The following KCNN2 variants were observed in gnomAD, a reference collection of about 807,000 sequenced individuals.
KCNN2 encodes small conductance calcium-activated potassium channel protein 2.
In KCNN2, 24 loss-of-function variants were observed where a neutral mutation model predicts 55.5. That is an observed-to-expected ratio of 0.43 (90% CI 0.31 to 0.61). KCNN2 has a LOEUF of 0.61. Among genes scored for constraint, KCNN2 ranks in the 20% least tolerant of loss-of-function variants. The probability of loss-of-function intolerance (pLI) is 0.08; values close to 1 mark genes in which losing one functional copy is unlikely to be tolerated. For missense variants in KCNN2, 754 were observed against 853.6 expected (o/e 0.88, Z 1.45); for synonymous variants, 431 against 336.1 (o/e 1.28, Z -3.09).
intron 1 of KCNN2, among the ~76,000 whole-genome samples, chr5:114,199,343 A>G (rs1414249672): frequency 6.6e-6 from 1 of 152,070 alleles, no homozygotes; most frequent in Non-Finnish European, 1.5e-5. Context: ...TTGAAGCAGC[A>G]TATAATTGAT....
intron 1 of KCNN2, among the ~76,000 whole-genome samples, chr5:114,099,351 C>T (rs1330939896): frequency 6.6e-6 from 1 of 152,202 alleles, no homozygotes; most frequent in Non-Finnish European, 1.5e-5. Flanking sequence ...CCCACTTCCT[C>T]TTTCCACCTC....
At chr5:114,472,058 G>A (rs1037422838) in intron 4 of KCNN2, among the ~76,000 whole-genome samples, 2 of 152,276 alleles carry the variant, frequency 1.3e-5, no homozygotes, top group South Asian at 4.2e-4. Context: ...TGGTTCTGTG[G>A]TCCTCTCAGG....
intron 2 of KCNN2, among the ~76,000 whole-genome samples, chr5:114,342,360 T>C (rs2150036966): frequency 6.6e-6 from 1 of 152,286 alleles, no homozygotes; most frequent in East Asian, 1.9e-4. Flanking sequence ...GCTTACATTT[T>C]ATAGGCATCA....
chr5:114,369,392 C>G (rs951391361), intron 2 of KCNN2, among the ~76,000 whole-genome samples: 1 of 152,066 alleles, frequency 6.6e-6, no homozygotes. Flanking sequence ...TTTATTATCT[C>G]AGTTAAAAAA....
intron 1 of KCNN2, among the ~76,000 whole-genome samples, chr5:114,124,640 C>T (rs1243017926): frequency 3.3e-5 from 5 of 152,288 alleles, no homozygotes; most frequent in South Asian, 2.1e-4. Flanking sequence ...CCAGTCCAGG[C>T]GGCATTTTCC....
chr5:114,092,267 C>T (rs748410886), intron 1 of KCNN2, among the ~76,000 whole-genome samples: 28 of 152,194 alleles, frequency 1.8e-4, no homozygotes, highest in Admixed American at 7.2e-4. Flanking sequence ...GTCATTAAAT[C>T]TTAAAGTTCC....
intron 2 of KCNN2, among the ~76,000 whole-genome samples, chr5:114,378,020 A>G (rs1215776296): frequency 6.6e-6 from 1 of 152,180 alleles, no homozygotes. Flanking sequence ...GGGGAAAGGC[A>G]ATAATGCACC....
intron 1 of KCNN2, among the ~76,000 whole-genome samples, chr5:114,179,712 A>G (rs1278271970): frequency 1.3e-5 from 2 of 152,134 alleles, no homozygotes; most frequent in African/African-American, 4.8e-5. Flanking sequence ...TCCCACAGCA[A>G]CACTAGCCAC....
intron 4 of KCNN2, among the ~76,000 whole-genome samples, chr5:114,466,892 C>A (rs887514874): frequency 6.6e-6 from 1 of 152,020 alleles, no homozygotes; most frequent in African/African-American, 2.4e-5. Flanking sequence ...ACTAGTAGTT[C>A]TATGTAAACA....
At chr5:114,474,627 T>G (rs1262009303) in intron 5 of KCNN2, among the ~76,000 whole-genome samples, 1 of 152,204 alleles carries the variant, frequency 6.6e-6, no homozygotes, top group African/African-American at 2.4e-5. Flanking sequence ...ATCTAATCCA[T>G]AAATTGGAGC....
intron 3 of KCNN2, among the ~76,000 whole-genome samples, chr5:114,435,500 AT>A (rs1413722477): frequency 1.3e-5 from 2 of 152,136 alleles, no homozygotes; most frequent in Non-Finnish European, 2.9e-5. Flanking sequence ...ACTTCATAGT[AT>A]TCTATCAGGT....
chr5:114,437,080 T>C (rs763542941), intron 3 of KCNN2, among the ~76,000 whole-genome samples: 1 of 152,016 alleles, frequency 6.6e-6, no homozygotes, highest in African/African-American at 2.4e-5. Flanking sequence ...CGTGCATGCA[T>C]GCATGTGTTG....
At chr5:114,326,193 A>G (rs1383307029) in intron 2 of KCNN2, among the ~76,000 whole-genome samples, 1 of 152,142 alleles carries the variant, frequency 6.6e-6, no homozygotes, top group Non-Finnish European at 1.5e-5. Flanking sequence ...GAAGAGGGTG[A>G]GAATATTTTA....
chr5:114,284,886 A>G (rs1347602562), intron 2 of KCNN2, among the ~76,000 whole-genome samples: 1 of 152,082 alleles, frequency 6.6e-6, no homozygotes. Flanking sequence ...TGTGTACCAG[A>G]TGAAAACAGA....
intron 2 of KCNN2, among the ~76,000 whole-genome samples, chr5:114,287,896 G>A (rs1462269725): frequency 6.6e-6 from 1 of 152,102 alleles, no homozygotes; most frequent in East Asian, 1.9e-4. Context: ...TTTCTCATTT[G>A]ATGTAGATGA....
intron 4 of KCNN2, among the ~76,000 whole-genome samples, chr5:114,472,389 T>C (rs560356721): frequency 6.6e-6 from 1 of 152,318 alleles, no homozygotes; most frequent in African/African-American, 2.4e-5. Flanking sequence ...TGTTGGTTTT[T>C]TCAAAATGAA....
chr5:114,159,284 T>C (rs1752711987), intron 1 of KCNN2, among the ~76,000 whole-genome samples: 2 of 152,252 alleles, frequency 1.3e-5, no homozygotes, highest in African/African-American at 4.8e-5. Flanking sequence ...CCTTTGGTTC[T>C]GTTTATATGC....
At chr5:114,135,891 T>C (rs889284126) in intron 1 of KCNN2, among the ~76,000 whole-genome samples, 2 of 152,010 alleles carry the variant, frequency 1.3e-5, no homozygotes, top group Admixed American at 1.3e-4. Flanking sequence ...TATATACGTG[T>C]GGAAAATTGG....
At position 114,362,986 on chromosome 5, in the gene KCNN2, C is replaced by T. The variant is rs779840066; in HGVS notation, c.847C>T (p.Pro283Ser). 4 of 1,591,598 alleles carry T rather than the reference C, an allele frequency of 2.5e-6. No homozygotes were observed. Among genetic ancestry groups the T allele is most frequent in the Admixed American group, 1.7e-5 (1 of 58,018 alleles). ...AGCCCCCGAGATCGTGGTGTCTAAGCCCGAGCACAACAACTCCAACAACCT... is the reference window on the plus strand; with the variant it reads ...AGCCCCCGAGATCGTGGTGTCTAAGTCCGAGCACAACAACTCCAACAACCT... ...SSAPEIVVSKPEHNNSNNLAL... is the reference protein window; with the variant it reads ...SSAPEIVVSKSEHNNSNNLAL... Residue 283 changes from proline (P) to serine (S), a missense_variant, in exon 1 of 8, where the codon CCC becomes TCC. Coordinates refer to ENST00000673685, the MANE Select transcript of KCNN2 (RefSeq NM_021614.4).
Sources: allele counts gnomAD v4.1 joint callset (sites outside exome capture counted in the v4.1 genomes callset), GRCh38; gene constraint gnomAD v4.1.1; transcripts MANE v1.5; gene names NCBI Gene and HGNC (gene_info 2026-07-23, HGNC 2026-07-21).